PKD1L1: variants seen among roughly 807,000 people sequenced by gnomAD.
PKD1L1 encodes the protein polycystin-1-like protein 1.
Under a neutral mutation model 323.4 loss-of-function variants are expected in PKD1L1, and 236 were observed. That is an observed-to-expected ratio of 0.73 (90% confidence interval 0.66 to 0.81). The LOEUF (loss-of-function observed/expected upper bound fraction) is 0.81. Ranked by LOEUF, PKD1L1 falls within the 40% of genes least tolerant of loss-of-function variation. PKD1L1 has a pLI of 0.00. For missense variants in PKD1L1, 3,320 were observed against 3,508.0 expected (o/e 0.95, Z 1.35); for synonymous variants, 1,344 against 1,335.0 (o/e 1.01, Z -0.15).
chr7:47,924,614 G>C (rs1331106537), intron 7 of PKD1L1, among the ~76,000 whole-genome samples: 2 of 152,142 alleles, frequency 1.3e-5, no homozygotes, highest in Non-Finnish European at 2.9e-5. Flanking sequence ...TTTTAACCTT[G>C]CCTTATGAAT....
chr7:47,862,426 C>T (rs1786053152), intron 26 of PKD1L1, among the ~76,000 whole-genome samples: 1 of 152,120 alleles, frequency 6.6e-6, no homozygotes, highest in African/African-American at 2.4e-5. Flanking sequence ...CATCCAGCCC[C>T]CGTTCCTGTA....
At chr7:47,845,895 G>A (rs1785655528) in intron 32 of PKD1L1, among the ~76,000 whole-genome samples, 1 of 151,248 alleles carries the variant, frequency 6.6e-6, no homozygotes, top group Non-Finnish European at 1.5e-5. Flanking sequence ...ATTCATTTTT[G>A]TACCCTTGGC....
At position 47,931,929 on chromosome 7, in the gene PKD1L1, TA is replaced by T; in HGVS notation, c.519+6del. ...ATGAAATTCAATTGCAGGGGTTAGATACCAACCTGGAGAAGAGCAGAGAATG... is the reference window on the plus strand; with the variant it reads ...ATGAAATTCAATTGCAGGGGTTAGATCCAACCTGGAGAAGAGCAGAGAATG... On this transcript the variant is annotated splice_donor_region_variant and intron_variant, in intron 5 of 56. Coordinates refer to ENST00000289672, the MANE Select transcript of PKD1L1 (RefSeq NM_138295.5). 6.2e-7 allele frequency: 1 copy of T among 1,609,508 alleles called. No homozygotes were observed. The highest frequency in any genetic ancestry group is 8.5e-7 in the Non-Finnish European group (1 of 1,177,590).
At chr7:47,862,967 T>C (rs1786065827) in intron 26 of PKD1L1, among the ~76,000 whole-genome samples, 1 of 152,166 alleles carries the variant, frequency 6.6e-6, no homozygotes, top group Non-Finnish European at 1.5e-5. Flanking sequence ...TTTTCTAAGG[T>C]GGCCTGAGAG....
intron 25 of PKD1L1, among the ~76,000 whole-genome samples, chr7:47,865,752 AT>A (rs540966946): frequency 0.33 from 44,548 of 136,914 alleles, 7,429 homozygotes; most frequent in African/African-American, 0.45. Flanking sequence ...CACCTGGCTA[AT>A]TTTTTTTTTT....
At chr7:47,879,645 A>AG (rs1786489270) in intron 21 of PKD1L1, among the ~76,000 whole-genome samples, 1 of 145,742 alleles carries the variant, frequency 6.9e-6, no homozygotes, top group Non-Finnish European at 1.5e-5. Context: ...AAAAAAAAAA[A>AG]AAAAAAGGCC....
intron 24 of PKD1L1, among the ~76,000 whole-genome samples, chr7:47,867,525 T>A (rs1278206244): frequency 1.3e-5 from 2 of 152,172 alleles, no homozygotes; most frequent in Non-Finnish European, 2.9e-5. Flanking sequence ...AAATGTCCAG[T>A]TATCAATGAA....
At position 47,904,455 on chromosome 7, in the gene PKD1L1, T is replaced by G; in HGVS notation, c.1854A>C (p.Thr618=). The change falls in exon 12 of 57, where the codon ACA becomes ACC. Residue 618 remains threonine, a synonymous_variant. Coordinates refer to ENST00000289672, the MANE Select transcript of PKD1L1 (RefSeq NM_138295.5). ...VAFECWINFG[T]DVAYLWDFGD... ...CAAAGTCCCACAGGTAGGCAACATC[T>G]GTGCCGAAGTTGATCCAGCACTCAA... 24 of 1,614,216 alleles carry G rather than the reference T, an allele frequency of 1.5e-5. No individual in the cohort carries two copies. The highest frequency in any genetic ancestry group is 2.0e-5 in the Non-Finnish European group (24 of 1,180,044).
intron 40 of PKD1L1, among the ~76,000 whole-genome samples, chr7:47,833,612 C>T (rs1313206534): frequency 6.6e-6 from 1 of 152,084 alleles, no homozygotes; most frequent in Non-Finnish European, 1.5e-5. Context: ...CGCAGAGCTC[C>T]GGCATGGTGT....
chr7:47,903,271 A>AAGGT lies in PKD1L1; in HGVS notation c.1932-764_1932-761dup, dbSNP rs1583662079. ...TTGCCATCCTGGAGCTCCAGCAAGA[A>AAGGT]AGGTAGGGCCTACTGATAAGAATGA... On this transcript the variant is annotated intron_variant, in intron 12 of 56. Transcript: ENST00000289672. 3.3e-5 allele frequency among the ~76,000 whole-genome samples: 5 copies of AAGGT among 152,190 alleles called. No homozygotes were observed. The East Asian group carries it at 9.6e-4, about 29-fold the overall frequency.
chr7:47,803,870 G>C (rs1453774161), intron 52 of PKD1L1, among the ~76,000 whole-genome samples: 3 of 152,174 alleles, frequency 2.0e-5, no homozygotes, highest in Non-Finnish European at 4.4e-5. Flanking sequence ...CAGATAAACA[G>C]TGTGAACAGA....
chr7:47,829,625 CAG>C, intron 43 of PKD1L1, 24 bp from the exon 44 acceptor site: 1 of 1,589,378 alleles, frequency 6.3e-7, no homozygotes, highest in Non-Finnish European at 8.5e-7. Context: ...CATGACAGCG[CAG>C]AGAGCCGCCC....
chr7:47,896,433 A>AG (rs1392531128), intron 14 of PKD1L1, among the ~76,000 whole-genome samples: 1 of 149,622 alleles, frequency 6.7e-6, no homozygotes, highest in African/African-American at 2.5e-5. Flanking sequence ...TGTGAAAGGG[A>AG]GGGGGCGTAA....
chr7:47,833,152 C>A lies in PKD1L1; in HGVS notation c.6275G>T (p.Gly2092Val), dbSNP rs1785382702. ...ACPAPKLQVH[G>V]ADHSRTSLMG... ...CAGAGAAGTCCTGCTGTGGTCAGCCCCATGAACCTGCAGCTTAGGGGCTGG... is the reference window on the plus strand; with the variant it reads ...CAGAGAAGTCCTGCTGTGGTCAGCCACATGAACCTGCAGCTTAGGGGCTGG... The change falls in exon 41 of 57, where the codon GGG (glycine) becomes GTG (valine). Residue 2092 changes from glycine to valine, a missense_variant. Transcript: ENST00000289672. The A allele has an allele frequency of 6.2e-7, 1 of 1,612,528 alleles. No homozygotes were observed. Among genetic ancestry groups the A allele is most frequent in the South Asian group, 1.1e-5 (1 of 90,510 alleles).
chr7:47,857,718 C>T lies in PKD1L1; in HGVS notation c.4477G>A (p.Gly1493Ser). ...SLGSVQVHLPGDLAGHSPAGA... is the reference protein window; with the variant it reads ...SLGSVQVHLPSDLAGHSPAGA... ...GCAGGACTGTGCCCAGCAAGGTCACCAGGTAAATGCACCTGGACAGATCCC... is the reference window on the plus strand; with the variant it reads ...GCAGGACTGTGCCCAGCAAGGTCACTAGGTAAATGCACCTGGACAGATCCC... The change falls in exon 28 of 57, where the codon GGT becomes AGT. Residue 1493 changes from glycine to serine, a missense_variant. Physicochemically the swap from Gly to Ser is moderately conservative, Grantham distance 56. Coordinates refer to ENST00000289672, the MANE Select transcript of PKD1L1 (RefSeq NM_138295.5). 1 of 1,614,006 alleles carries T rather than the reference C, an allele frequency of 6.2e-7. No homozygotes were observed. Among genetic ancestry groups the T allele is most frequent in the Non-Finnish European group, 8.5e-7 (1 of 1,180,010 alleles).
At chr7:47,912,138 G>A (rs1389035334) in intron 8 of PKD1L1, among the ~76,000 whole-genome samples, 1 of 152,124 alleles carries the variant, frequency 6.6e-6, no homozygotes, top group Non-Finnish European at 1.5e-5. Flanking sequence ...TGAACAACTT[G>A]AGGAATCGTT....
chr7:47,899,922 C>G (rs901971481), intron 13 of PKD1L1, among the ~76,000 whole-genome samples: 2 of 137,068 alleles, frequency 1.5e-5, no homozygotes, highest in Non-Finnish European at 3.0e-5. Flanking sequence ...CACCACTGCA[C>G]TCCCTCCTAG....
At chr7:47,890,492 T>G in intron 16 of PKD1L1, 50 bp downstream of exon 16, 2 of 1,569,132 alleles carry the variant, frequency 1.3e-6, no homozygotes, top group Non-Finnish European at 1.8e-6. Context: ...TAGCACCAGG[T>G]GGGAACAAAC....
At chr7:47,905,985 TA>T in intron 9 of PKD1L1, 23 bp from the exon 10 acceptor site, 10 of 1,561,868 alleles carry the variant, frequency 6.4e-6, no homozygotes, top group Non-Finnish European at 8.7e-6. Flanking sequence ...AAAAAGGAGA[TA>T]AGAGAAAAAG....
Sources: allele counts gnomAD v4.1 joint callset (sites outside exome capture counted in the v4.1 genomes callset), GRCh38; gene constraint gnomAD v4.1.1; transcripts MANE v1.5; gene names NCBI Gene and HGNC (gene_info 2026-07-23, HGNC 2026-07-21).